Variants in PLCL2 observed in about 807,000 individuals in gnomAD.
PLCL2 encodes inactive phospholipase C-like protein 2.
A neutral mutation model predicts 79.6 loss-of-function variants in PLCL2; 4 were observed. The observed-to-expected ratio is 0.05, with a 90% CI of 0.02 to 0.11. The LOEUF (loss-of-function observed/expected upper bound fraction) is 0.11, where lower values mean the gene tolerates loss of function less well. Among genes scored for constraint, PLCL2 ranks in the 10% least tolerant of loss-of-function variants. PLCL2 has a pLI of 1.00. For missense variants in PLCL2, 895 were observed against 1,291.0 expected (o/e 0.69, Z 4.70); for synonymous variants, 484 against 457.7 (o/e 1.06, Z -0.73).
chr3:16,985,651 C>G (rs1487063538), intron 1 of PLCL2, among the ~76,000 whole-genome samples: 1 of 152,150 alleles, frequency 6.6e-6, no homozygotes, highest in Non-Finnish European at 1.5e-5. Flanking sequence ...GTTATTGCCT[C>G]TATATTACCT....
At chr3:16,941,232 T>C (rs1697675669) in intron 1 of PLCL2, among the ~76,000 whole-genome samples, 1 of 152,206 alleles carries the variant, frequency 6.6e-6, no homozygotes, top group Admixed American at 6.5e-5. Context: ...TACTGGGATA[T>C]CTCATGTCTC....
intron 1 of PLCL2, among the ~76,000 whole-genome samples, chr3:16,968,628 G>C (rs1246672417): frequency 6.6e-6 from 1 of 152,118 alleles, no homozygotes; most frequent in Non-Finnish European, 1.5e-5. Context: ...TTTGTATCCT[G>C]AAATTTTGCT....
At chr3:16,978,236 C>T (rs181327019) in intron 1 of PLCL2, among the ~76,000 whole-genome samples, 1 of 152,190 alleles carries the variant, frequency 6.6e-6, no homozygotes, top group African/African-American at 2.4e-5. Flanking sequence ...ATACCCTACC[C>T]TTTTTATTGT....
intron 1 of PLCL2, among the ~76,000 whole-genome samples, chr3:16,906,845 A>G (rs1176588411): frequency 1.3e-5 from 2 of 152,246 alleles, no homozygotes; most frequent in Admixed American, 6.5e-5. Flanking sequence ...CAGGAAAAAC[A>G]TGCTAAAAAT....
At chr3:17,005,051 TG>T (rs2064247587) in intron 1 of PLCL2, among the ~76,000 whole-genome samples, 1 of 152,150 alleles carries the variant, frequency 6.6e-6, no homozygotes, top group South Asian at 2.1e-4. Flanking sequence ...GTGACTGTTT[TG>T]CCAGGGTATT....
intron 1 of PLCL2, among the ~76,000 whole-genome samples, chr3:16,902,745 T>G (rs763438890): frequency 2.0e-5 from 3 of 150,390 alleles, no homozygotes; most frequent in Non-Finnish European, 2.9e-5. Context: ...GAGAATCGCT[T>G]GAACCCAGGA....
intron 1 of PLCL2, among the ~76,000 whole-genome samples, chr3:16,925,005 C>A (rs1356571651): frequency 6.6e-6 from 1 of 151,590 alleles, no homozygotes; most frequent in East Asian, 1.9e-4. Context: ...CTCACTGCAA[C>A]CTCTGCCTCA....
At chr3:16,955,696 T>C (rs540499526) in intron 1 of PLCL2, among the ~76,000 whole-genome samples, 58 of 152,344 alleles carry the variant, frequency 3.8e-4, no homozygotes, top group Non-Finnish European at 6.3e-4. Context: ...TATCCTCTTT[T>C]ATTTCGTTGA....
At chr3:16,900,655 C>T (rs1399536998) in intron 1 of PLCL2, among the ~76,000 whole-genome samples, 1 of 152,232 alleles carries the variant, frequency 6.6e-6, no homozygotes, top group Non-Finnish European at 1.5e-5. Context: ...TTGCATAGCT[C>T]TTTCATCCCT....
intron 1 of PLCL2, among the ~76,000 whole-genome samples, chr3:16,970,038 T>TCA (rs2063842766): frequency 7.4e-6 from 1 of 135,902 alleles, no homozygotes; most frequent in African/African-American, 2.7e-5. Context: ...TGGCTTTGAT[T>TCA]TATATATATA....
chr3:17,011,317 C>T lies in PLCL2; in HGVS notation c.1971C>T (p.Ala657=). Reference sequence around the variant, plus strand: ...ATGAAGTGCTTGCCAGCAAGTACGCCAATGAAAATCCAGGGGACTTTGTAA... The same window carrying T: ...ATGAAGTGCTTGCCAGCAAGTACGCTAATGAAAATCCAGGGGACTTTGTAA... ...SFNEVLASKY[A]NENPGDFVNY... The change falls in exon 2 of 6, where the codon GCC becomes GCT. Residue 657 remains alanine, a synonymous_variant. Transcript: ENST00000615277. This position sits in a 1 kb window ranked among gnomAD's most constrained non-coding sequence, Gnocchi z 7.9. 6.2e-7 allele frequency: 1 copy of T among 1,614,132 alleles called. No individual in the cohort carries two copies. The highest frequency in any genetic ancestry group is 8.5e-7 in the Non-Finnish European group (1 of 1,180,008).
chr3:16,932,883 GAGA>G (rs1697440674), intron 1 of PLCL2, among the ~76,000 whole-genome samples: 1 of 152,190 alleles, frequency 6.6e-6, no homozygotes, highest in African/African-American at 2.4e-5. Context: ...AAGTCTGTTG[GAGA>G]AGATTTTCTT....
At chr3:16,948,131 T>C (rs1030392158) in intron 1 of PLCL2, among the ~76,000 whole-genome samples, 2 of 152,196 alleles carry the variant, frequency 1.3e-5, no homozygotes, top group Non-Finnish European at 2.9e-5. Flanking sequence ...CATCAACTTA[T>C]TAATGGATAA....
intron 1 of PLCL2, among the ~76,000 whole-genome samples, chr3:16,914,825 A>T (rs1696957176): frequency 1.3e-5 from 2 of 151,912 alleles, no homozygotes; most frequent in Non-Finnish European, 2.9e-5. Context: ...AGCCTCCTAG[A>T]CTCAAGTGAC....
intron 1 of PLCL2, among the ~76,000 whole-genome samples, chr3:16,962,090 G>A (rs1447653204): frequency 1.3e-5 from 2 of 152,172 alleles, no homozygotes; most frequent in Admixed American, 6.5e-5. Context: ...GGACGCCCAG[G>A]AGTAGGTCAG....
chr3:17,021,584 T>TA (rs2064453245), intron 3 of PLCL2, among the ~76,000 whole-genome samples: 1 of 129,494 alleles, frequency 7.7e-6, no homozygotes, highest in South Asian at 2.6e-4. Context: ...CACATATTCT[T>TA]AAAGTATTCT....
At chr3:16,957,776 T>C (rs1324514529) in intron 1 of PLCL2, among the ~76,000 whole-genome samples, 1 of 152,204 alleles carries the variant, frequency 6.6e-6, no homozygotes, top group Non-Finnish European at 1.5e-5. Flanking sequence ...CCCTTTACCA[T>C]TATGTAATGG....
chr3:17,072,900 G>A (rs1432318322), intron 5 of PLCL2, among the ~76,000 whole-genome samples: 1 of 152,170 alleles, frequency 6.6e-6, no homozygotes, highest in Non-Finnish European at 1.5e-5. Context: ...GATAAAGCCA[G>A]CGGGTGTCTT....
At chr3:16,970,052 A>ATTT (rs1222156599) in intron 1 of PLCL2, among the ~76,000 whole-genome samples, 3 of 138,450 alleles carry the variant, frequency 2.2e-5, no homozygotes, top group Admixed American at 7.5e-5. Flanking sequence ...ATATATATAT[A>ATTT]TATATATTTT....
Sources: allele counts gnomAD v4.1 joint callset (sites outside exome capture counted in the v4.1 genomes callset), GRCh38; gene constraint gnomAD v4.1.1; non-coding constraint Gnocchi (gnomAD v3.1); transcripts MANE v1.5; gene names NCBI Gene and HGNC (gene_info 2026-07-23, HGNC 2026-07-21).